KLHDC4: variants seen among roughly 807,000 people sequenced by gnomAD.
KLHDC4 encodes the protein kelch domain-containing protein 4.
In KLHDC4, 90 loss-of-function variants were observed where a neutral mutation model predicts 62.4. That is an observed-to-expected ratio of 1.44 (90% confidence interval 1.22 to 1.72). The LOEUF (loss-of-function observed/expected upper bound fraction) is 1.72. Among genes scored for constraint, KLHDC4 ranks in the 40% most tolerant of loss-of-function variants. The pLI, the probability that KLHDC4 is intolerant of heterozygous loss-of-function variation, is 0.00. For missense variants in KLHDC4, 1,025 were observed against 699.7 expected, an observed-to-expected ratio of 1.47 and a Z score of -5.25; for synonymous variants, 386 against 284.4, an observed-to-expected ratio of 1.36 and a Z score of -3.59.
intron 7 of KLHDC4, 25 bp from the exon 8 acceptor site, chr16:87,714,598 G>A (rs752419452): frequency 2.5e-6 from 4 of 1,613,398 alleles, no homozygotes; most frequent in Non-Finnish European, 3.4e-6. Context: ...AATTGTGTGA[G>A]AACCGGGGGC....
intron 2 of KLHDC4, among the ~76,000 whole-genome samples, chr16:87,760,512 C>T (rs926483063): frequency 1.4e-4 from 21 of 145,986 alleles, no homozygotes; most frequent in African/African-American, 5.3e-4. Flanking sequence ...CAGGCTGAGG[C>T]AGGAGAATGG....
At chr16:87,701,768 C>T (rs765203709) in exon 1 of KLHDC4, 26 of 456,702 alleles carry the variant, frequency 5.7e-5, no homozygotes, top group African/African-American at 1.8e-4. Flanking sequence ...CAAGCGTGCA[C>T]ACCCGTCCGC....
intron 5 of KLHDC4, among the ~76,000 whole-genome samples, chr16:87,737,909 G>A (rs760561611): frequency 1.3e-5 from 2 of 152,142 alleles, no homozygotes; most frequent in Non-Finnish European, 2.9e-5. Context: ...CTAAGTACAT[G>A]TGGGTCCCAC....
At chr16:87,747,546 G>C (rs528864610) in intron 5 of KLHDC4, 2 of 152,126 alleles carry the variant, frequency 1.3e-5, no homozygotes, top group Non-Finnish European at 2.9e-5. Context: ...AAAAGCCTGG[G>C]AACACAGTAA....
In KLHDC4 at chr16:87,756,012, C is replaced by G. The variant is rs78998512; in HGVS notation, c.270+387G>C. On this transcript the variant is annotated intron_variant, in intron 3 of 11. Coordinates refer to ENST00000270583, the MANE Select transcript of KLHDC4 (RefSeq NM_017566.4). ...GTGAAACACAGGTCTTACTGGCCTGCTCAAAAATAAAAATTAGCCCTAAAA... is the reference window on the plus strand; with the variant it reads ...GTGAAACACAGGTCTTACTGGCCTGGTCAAAAATAAAAATTAGCCCTAAAA... 2.9e-3 allele frequency: 496 copies of G among 173,786 alleles called. 2 individuals are homozygous for G. Among genetic ancestry groups the G allele is most frequent in the African/African-American group, 0.011 (474 of 42,692 alleles). The allele number at this position is 173,786 out of a possible 1,614,324, so 10.8% of individuals were successfully genotyped here. A position where few individuals can be genotyped will look rare whatever the true frequency, so the allele number is the denominator to read the frequency against.
chr16:87,711,317 T>C lies in KLHDC4; in HGVS notation c.962A>G (p.Glu321Gly). ...GAAGAACTCGCCCGACAGGCTCTCCTCCTCTTCCTCGTCACAGACACCCCC... is the reference window on the plus strand; with the variant it reads ...GAAGAACTCGCCCGACAGGCTCTCCCCCTCTTCCTCGTCACAGACACCCCC... ...FFGGVCDEEE[E>G]ESLSGEFFND... Residue 321 changes from glutamate (E) to glycine (G), a missense_variant, in exon 9 of 12, where the codon GAG becomes GGG. Physicochemically the swap from Glu to Gly is moderately conservative, Grantham distance 98. Transcript: ENST00000270583. The C allele has an allele frequency of 6.2e-7, 1 of 1,614,052 alleles. No individual in the cohort carries two copies. Among genetic ancestry groups the C allele is most frequent in the Non-Finnish European group, 8.5e-7 (1 of 1,180,006 alleles).
chr16:87,733,188 A>G lies in KLHDC4; in HGVS notation c.507-2544T>C, dbSNP rs547275397. Among the ~76,000 whole-genome samples the G allele has an allele frequency of 3.9e-5, 6 of 152,338 alleles. No individual in the cohort carries two copies. In the South Asian group the frequency reaches 8.3e-4, roughly 21 times the overall value. ...ACAGGTGAAAAGGCAGGTGCAAAGCAAATCCTAACCCAGCTTCTACATGGG... is the reference window on the plus strand; with the variant it reads ...ACAGGTGAAAAGGCAGGTGCAAAGCGAATCCTAACCCAGCTTCTACATGGG... On this transcript the variant is annotated intron_variant, in intron 5 of 11. Coordinates refer to ENST00000270583, the MANE Select transcript of KLHDC4 (RefSeq NM_017566.4).
chr16:87,699,243 T>C (rs894943926), exon 1 of KLHDC4: 1 of 152,270 alleles, frequency 6.6e-6, no homozygotes, highest in Non-Finnish European at 1.5e-5. Context: ...TGAAGTTCAG[T>C]AGCGCACAGA....
downstream of KLHDC4, among the ~76,000 whole-genome samples, chr16:87,705,158 C>T (rs367699101): frequency 4.6e-5 from 7 of 152,356 alleles, no homozygotes; most frequent in Admixed American, 2.6e-4. Context: ...AACGTGGCAC[C>T]GAGTACGGCG....
At chr16:87,712,969 G>A (rs1295645368) in intron 8 of KLHDC4, among the ~76,000 whole-genome samples, 1 of 152,232 alleles carries the variant, frequency 6.6e-6, no homozygotes, top group African/African-American at 2.4e-5. Context: ...AAACACCCTT[G>A]ATCTGTGCCT....
rs139035203 is a variant in KLHDC4, at chr16:87,732,739, G to A, written c.507-2095C>T. Reference sequence around the variant, plus strand: ...CGAAAAACAGCACGTGAAAAGGCAGGTCCAAAGCAAATCCTATCCCAGCTT... The same window carrying A: ...CGAAAAACAGCACGTGAAAAGGCAGATCCAAAGCAAATCCTATCCCAGCTT... On this transcript the variant is annotated intron_variant, in intron 5 of 11. Transcript: ENST00000270583. Among the ~76,000 whole-genome samples the A allele has an allele frequency of 2.3e-3, 344 of 152,206 alleles. 1 individual carries two copies. Among genetic ancestry groups the A allele is most frequent in the African/African-American group, 7.9e-3 (327 of 41,544 alleles).
chr16:87,707,061 A>G (rs1468986804), downstream of KLHDC4, among the ~76,000 whole-genome samples: 1 of 152,236 alleles, frequency 6.6e-6, no homozygotes, highest in Non-Finnish European at 1.5e-5. Context: ...TAAGGATCCT[A>G]TATTCCCACT....
At chr16:87,708,637 G>GCGTT in intron 10 of KLHDC4, 171 bp from the exon 11 acceptor site, 1 of 442,610 alleles carries the variant, frequency 2.3e-6, no homozygotes, top group Non-Finnish European at 3.9e-6. Context: ...GAAACAGACT[G>GCGTT]CGTTCCCCTG....
At chr16:87,763,130 A>T (rs2046125250) in intron 1 of KLHDC4, among the ~76,000 whole-genome samples, 3 of 152,158 alleles carry the variant, frequency 2.0e-5, no homozygotes, top group Admixed American at 2.0e-4. Flanking sequence ...TATCCAAGAC[A>T]TTCCTGTATA....
chr16:87,702,134 G>A (rs1320884898), exon 1 of KLHDC4: 1 of 456,204 alleles, frequency 2.2e-6, no homozygotes. Context: ...ATCGTGTGTG[G>A]AACAGACCGG....
chr16:87,708,606 A>C (rs2035123755), intron 10 of KLHDC4, 140 bp from the exon 11 acceptor site: 1 of 475,002 alleles, frequency 2.1e-6, no homozygotes, highest in Non-Finnish European at 3.6e-6. Flanking sequence ...CTCTTCCCCG[A>C]CCCCCTTCAG....
intron 7 of KLHDC4, among the ~76,000 whole-genome samples, chr16:87,723,397 G>A (rs76184295): frequency 0.017 from 2,620 of 152,352 alleles, 73 homozygotes; most frequent in African/African-American, 0.061. Flanking sequence ...GACAGCAGCT[G>A]CTGAGAATGA....
intron 5 of KLHDC4, among the ~76,000 whole-genome samples, chr16:87,731,460 G>C (rs930722387): frequency 1.3e-5 from 2 of 151,922 alleles, no homozygotes; most frequent in African/African-American, 4.8e-5. Context: ...AGAAAAATGG[G>C]GGGAAAAAAG....
intron 5 of KLHDC4, among the ~76,000 whole-genome samples, chr16:87,734,114 A>C (rs1001033175): frequency 6.6e-5 from 10 of 152,220 alleles, no homozygotes; most frequent in African/African-American, 2.4e-4. Flanking sequence ...TGAGAGGCCA[A>C]GGTGGGCGGA....
Sources: allele counts gnomAD v4.1 joint callset (sites outside exome capture counted in the v4.1 genomes callset), GRCh38; gene constraint gnomAD v4.1.1; transcripts MANE v1.5; gene names NCBI Gene and HGNC (gene_info 2026-07-23, HGNC 2026-07-21).